BCAS3: variants seen among roughly 807,000 people sequenced by gnomAD.
The protein encoded by BCAS3 is BCAS4/BCAS3 fusion.
Under a neutral mutation model 116.1 loss-of-function variants are expected in BCAS3, and 53 were observed. The observed-to-expected ratio is 0.46, with a 90% CI of 0.37 to 0.57. BCAS3 has a LOEUF of 0.57. Among genes scored for constraint, BCAS3 ranks in the 20% least tolerant of loss-of-function variants. BCAS3 has a pLI of 0.00. For synonymous variants in BCAS3, 391 were observed against 408.2 expected (o/e 0.96, Z 0.51); for missense variants, 917 against 1,165.4 (o/e 0.79, Z 3.10).
rs2074587449 is a variant in BCAS3 at position 61,105,500 on chromosome 17, A to C, written c.2425+20936A>C. Among the ~76,000 whole-genome samples, 1 of 152,134 alleles carries C rather than the reference A, an allele frequency of 6.6e-6. No homozygotes were observed. Among genetic ancestry groups the C allele is most frequent in the Non-Finnish European group, 1.5e-5 (1 of 68,014 alleles). ...AGTGCAATGGCGCGACCTTGGCTCA[A>C]AGCAAGCTCTGTCTCCTAGATTCAA... On this transcript the variant is annotated intron_variant, in intron 22 of 23. Coordinates refer to ENST00000407086, the MANE Select transcript of BCAS3 (RefSeq NM_017679.5). This position sits in a 1 kb window ranked among gnomAD's most constrained non-coding sequence, Gnocchi z 4.3.
intron 23 of BCAS3, among the ~76,000 whole-genome samples, chr17:61,373,256 T>G (rs948941102): frequency 1.3e-5 from 2 of 151,712 alleles, no homozygotes; most frequent in African/African-American, 4.8e-5. Context: ...GCCTGGCTAA[T>G]TTTTGTATTT....
In BCAS3 at chr17:61,141,967, T is replaced by A. The variant is rs2076947148; in HGVS notation, c.2425+57403T>A. ...ACTCAAGTTCTTGAAAGAAGTTTGT[T>A]GAGGATAAGATTTATTTAAATGGAG... On this transcript the variant is annotated intron_variant, in intron 22 of 23. Coordinates refer to ENST00000407086, the MANE Select transcript of BCAS3 (RefSeq NM_017679.5). The surrounding 1 kb of genome is among the most constrained non-coding windows in gnomAD (Gnocchi z 4.3). Among the ~76,000 whole-genome samples, 1 of 151,896 alleles carries A rather than the reference T, an allele frequency of 6.6e-6. No individual in the cohort carries two copies. Among genetic ancestry groups the A allele is most frequent in the Admixed American group, 6.6e-5 (1 of 15,248 alleles).
intron 13 of BCAS3, among the ~76,000 whole-genome samples, chr17:60,928,606 T>A (rs1482598424): frequency 6.6e-6 from 1 of 152,238 alleles, no homozygotes; most frequent in East Asian, 1.9e-4. Flanking sequence ...TTCTTCTTAA[T>A]TATTTACTTT....
At chr17:60,931,515 A>C (rs1480264503) in intron 13 of BCAS3, among the ~76,000 whole-genome samples, 2 of 152,056 alleles carry the variant, frequency 1.3e-5, no homozygotes, top group African/African-American at 4.8e-5. Context: ...GAGCTCAGGC[A>C]ATCTGCCCAC....
At position 61,028,601 on chromosome 17, in the gene BCAS3, A is replaced by AT. The variant is rs2066421116; in HGVS notation, c.1638-6065_1638-6064insT. On this transcript the variant is annotated intron_variant, in intron 16 of 23. Coordinates refer to ENST00000407086, the MANE Select transcript of BCAS3 (RefSeq NM_017679.5). The surrounding 1 kb of genome is among the most constrained non-coding windows in gnomAD (Gnocchi z 4.3). Reference sequence around the variant, plus strand: ...GCATAGAAGTAAAAGATGGAATAACAACTGTTGTATGTTAAGTAAGTAAAG... The same window carrying AT: ...GCATAGAAGTAAAAGATGGAATAACATACTGTTGTATGTTAAGTAAGTAAAG... Among the ~76,000 whole-genome samples the AT allele has an allele frequency of 3.9e-5, 6 of 152,054 alleles. No homozygotes were observed. The East Asian group carries it at 1.2e-3, about 29-fold the overall frequency.
intron 22 of BCAS3, among the ~76,000 whole-genome samples, chr17:61,353,031 TC>T (rs2057941539): frequency 2.0e-5 from 3 of 152,118 alleles, no homozygotes; most frequent in African/African-American, 4.8e-5. Flanking sequence ...AGGATTGACC[TC>T]ATGGGGTGGG....
rs35691381 is a variant in BCAS3 at position 60,770,400 on chromosome 17, CTTTTTTTTTTTTT to C, written c.403+23146_403+23158del. Reference sequence around the variant, plus strand: ...CGCCTCTCTCATCCCAGTGTTCCCTCTTTTTTTTTTTTTTTTTTTTTTTTTTTTTTTTTTTTTG... The same window carrying C: ...CGCCTCTCTCATCCCAGTGTTCCCTCTTTTTTTTTTTTTTTTTTTTTTTTG... On this transcript the variant is annotated intron_variant, in intron 6 of 23. Transcript: ENST00000407086. 2.7e-3 allele frequency among the ~76,000 whole-genome samples: 207 copies of C among 76,828 alleles called. 4 individuals are homozygous for C. The East Asian group carries it at 0.039, about 15-fold the overall frequency. 50.4% of individuals were successfully genotyped at this position (76,828 alleles called of 152,430 possible). A position where few individuals can be genotyped will look rare whatever the true frequency, so the allele number is the denominator to read the frequency against.
intron 22 of BCAS3, among the ~76,000 whole-genome samples, chr17:61,142,124 G>A (rs532278986): frequency 1.3e-5 from 2 of 151,264 alleles, no homozygotes; most frequent in East Asian, 3.9e-4. Context: ...TTATTATTAA[G>A]GTACTTGGCT....
At chr17:60,813,856 CT>C (rs1228018701) in intron 7 of BCAS3, among the ~76,000 whole-genome samples, 1 of 152,084 alleles carries the variant, frequency 6.6e-6, no homozygotes, top group Admixed American at 6.6e-5. Flanking sequence ...AGCTTTATTT[CT>C]GGGTTCTCTT....
intron 22 of BCAS3, among the ~76,000 whole-genome samples, chr17:61,123,595 A>G (rs2075902043): frequency 6.6e-6 from 1 of 151,532 alleles, no homozygotes; most frequent in African/African-American, 2.4e-5. Flanking sequence ...CCCTTTTTCT[A>G]AGTCTTTTTT....
rs186494364 is a variant in BCAS3, at chr17:60,897,638, G to C, written c.739-4982G>C. On this transcript the variant is annotated intron_variant, in intron 10 of 23. Coordinates refer to ENST00000407086, the MANE Select transcript of BCAS3 (RefSeq NM_017679.5). ...TTCTTTATTTTTATCTGACTGGATT[G>C]TTTCAAAAGATCTGTCTTCAAGTTC... Among the ~76,000 whole-genome samples, 314 of 152,094 alleles carry C rather than the reference G, an allele frequency of 2.1e-3. 1 individual carries two copies. The highest frequency in any genetic ancestry group is 7.4e-3 in the African/African-American group (307 of 41,526).
chr17:61,011,171 A>G (rs563704740), intron 15 of BCAS3, among the ~76,000 whole-genome samples: 4 of 152,186 alleles, frequency 2.6e-5, no homozygotes, highest in Non-Finnish European at 5.9e-5. Flanking sequence ...AGAGTATAGT[A>G]AAGAAAGGTT....
intron 4 of BCAS3, among the ~76,000 whole-genome samples, chr17:60,702,890 C>A (rs1443636885): frequency 6.6e-6 from 1 of 152,066 alleles, no homozygotes; most frequent in Non-Finnish European, 1.5e-5. Context: ...CATGCTCAGT[C>A]CAAGGAAAGG....
At chr17:60,777,612 C>A (rs761045915) in intron 6 of BCAS3, among the ~76,000 whole-genome samples, 1 of 151,890 alleles carries the variant, frequency 6.6e-6, no homozygotes, top group African/African-American at 2.4e-5. Context: ...GGTGACAGAG[C>A]GCGACTCTGT....
intron 4 of BCAS3, among the ~76,000 whole-genome samples, chr17:60,690,919 CAAAA>C (rs1313643772): frequency 6.8e-6 from 1 of 146,464 alleles, no homozygotes; most frequent in African/African-American, 2.7e-5. Flanking sequence ...GACTTTGTCT[CAAAA>C]AAACAAAAAC....
At position 61,326,213 on chromosome 17, in the gene BCAS3, C is replaced by G. The variant is rs368881866; in HGVS notation, c.2426-42114C>G. Among the ~76,000 whole-genome samples, 1 of 152,216 alleles carries G rather than the reference C, an allele frequency of 6.6e-6. No homozygotes were observed. The highest frequency in any genetic ancestry group is 1.9e-4 in the East Asian group (1 of 5,182). On this transcript the variant is annotated intron_variant, in intron 22 of 23. Transcript: ENST00000407086. This position sits in a 1 kb window ranked among gnomAD's most constrained non-coding sequence, Gnocchi z 5.3. ...TATGAGAGCATCTGAAAAGGGTATG[C>G]AGGGAGAGTTTCCCTAAGGAGGTCC...
intron 5 of BCAS3, among the ~76,000 whole-genome samples, chr17:60,736,161 C>T (rs1343008600): frequency 1.3e-5 from 2 of 152,150 alleles, no homozygotes; most frequent in Non-Finnish European, 2.9e-5. Flanking sequence ...GCCTTTGCCT[C>T]CCAAAGTGCT....
chr17:61,269,088 A>G (rs377458509), intron 22 of BCAS3, among the ~76,000 whole-genome samples: 11 of 151,794 alleles, frequency 7.2e-5, no homozygotes, highest in African/African-American at 2.7e-4. Context: ...CAGGTGTGCA[A>G]ACATCTCTTA....
At chr17:60,973,586 A>AT (rs752524305) in intron 14 of BCAS3, among the ~76,000 whole-genome samples, 46 of 137,928 alleles carry the variant, frequency 3.3e-4, no homozygotes, top group African/African-American at 1.1e-3. Flanking sequence ...CCTTATTATT[A>AT]ATATATATAT....
Sources: gnomAD v4.1 joint callset for allele counts (sites outside exome capture counted in the v4.1 genomes callset) on GRCh38, gnomAD v4.1.1 for gene constraint, Gnocchi (gnomAD v3.1) non-coding constraint, MANE v1.5 for transcripts, NCBI Gene and HGNC (gene_info 2026-07-23, HGNC 2026-07-21) for gene names.